IL3: variants seen among roughly 807,000 people sequenced by gnomAD.
IL3 encodes interleukin-3.
Under a neutral mutation model 15.4 loss-of-function variants are expected in IL3, and 15 were observed. The ratio of observed to expected loss-of-function variants is 0.97; its 90% CI spans 0.65 to 1.50. The LOEUF is 1.50. IL3 is among the 40% of genes most tolerant of loss of function. The probability of loss-of-function intolerance (pLI) is 0.00; values close to 1 mark genes in which losing one functional copy is unlikely to be tolerated. For synonymous variants in IL3, 74 were observed against 79.3 expected, an observed-to-expected ratio of 0.93 and a Z score of 0.36; for missense variants, 162 against 192.2, an observed-to-expected ratio of 0.84 and a Z score of 0.93.
intron 2 of IL3, 117 bp from the exon 3 acceptor site, chr5:132,062,195 G>C (rs1027256774): frequency 2.4e-6 from 2 of 841,272 alleles, no homozygotes; most frequent in African/African-American, 3.3e-5. Context: ...GGACTAGGAG[G>C]GAACCCGAGG....
intron 1 of IL3, 45 bp downstream of exon 1, chr5:132,060,913 G>A: frequency 1.2e-6 from 2 of 1,611,770 alleles, no homozygotes; most frequent in South Asian, 1.1e-5. Flanking sequence ...GAGGGGTGGT[G>A]GCTGCCTAAG....
In IL3 at chr5:132,060,958, C is replaced by A; in HGVS notation, c.163-9C>A. On this transcript the variant is annotated splice_polypyrimidine_tract_variant and intron_variant, in intron 1 of 4. Coordinates refer to ENST00000296870, the MANE Select transcript of IL3 (RefSeq NM_000588.4). ...CCTCATGGGCCTTTCTCTCCCTTCACCCCCACAGGACTTCAACAACCTCAA... is the reference window on the plus strand; with the variant it reads ...CCTCATGGGCCTTTCTCTCCCTTCAACCCCACAGGACTTCAACAACCTCAA... 6.2e-7 allele frequency: 1 copy of A among 1,614,078 alleles called. No individual in the cohort carries two copies. Among genetic ancestry groups the A allele is most frequent in the Non-Finnish European group, 8.5e-7 (1 of 1,179,890 alleles).
rs780238354 is a variant in IL3, at chr5:132,060,774, C to T, written c.68C>T (p.Thr23Ile). ...LVRPGLQAPM[T>I]QTTPLKTSWV... ...CGCCCCGGACTCCAAGCTCCCATGA[C>T]CCAGACAACGCCCTTGAAGACAAGC... Residue 23 changes from threonine to isoleucine, a missense_variant, in exon 1 of 5, where the codon ACC becomes ATC. By Grantham distance (89) the Thr-to-Ile change is moderately conservative. Coordinates refer to ENST00000296870, the MANE Select transcript of IL3 (RefSeq NM_000588.4). The T allele has an allele frequency of 6.2e-7, 1 of 1,614,174 alleles. No homozygotes were observed. The highest frequency in any genetic ancestry group is 1.7e-5 in the Admixed American group (1 of 60,034).
rs1019741239 is a variant in IL3 at position 132,062,174 on chromosome 5, A to C, written c.205-138A>C. The C allele has an allele frequency of 5.4e-6, 4 of 740,154 alleles. No homozygotes were observed. In the East Asian group the frequency reaches 9.8e-5, roughly 18 times the overall value. 45.8% of individuals were successfully genotyped at this position (740,154 alleles called of 1,614,324 possible). ...GTGCCCTTGGGCAGGGACCCACCTG[A>C]GGCAAGAACGGGACTAGGAGGGAAC... is the stretch of plus-strand genomic sequence containing the variant. On this transcript the variant is annotated intron_variant, in intron 2 of 4. Coordinates refer to ENST00000296870, the MANE Select transcript of IL3 (RefSeq NM_000588.4).
chr5:132,060,940 G>A, intron 1 of IL3, 27 bp from the exon 2 acceptor site: 1 of 1,613,936 alleles, frequency 6.2e-7, no homozygotes, highest in South Asian at 1.1e-5. Context: ...AGGCCTCATG[G>A]GCCTTTCTCT....
intron 2 of IL3, among the ~76,000 whole-genome samples, chr5:132,061,713 A>T (rs1756481294): frequency 6.6e-6 from 1 of 150,800 alleles, no homozygotes; most frequent in African/African-American, 2.4e-5. Context: ...TTCTTTTTGG[A>T]GATATTTTTT....
chr5:132,062,305 C>T lies in IL3; in HGVS notation c.205-7C>T. 1 of 1,608,738 alleles carries T rather than the reference C, an allele frequency of 6.2e-7. No homozygotes were observed. The highest frequency in any genetic ancestry group is 8.5e-7 in the Non-Finnish European group (1 of 1,175,076). On this transcript the variant is annotated splice_region_variant and splice_polypyrimidine_tract_variant and intron_variant, in intron 2 of 4. Transcript: ENST00000296870. ...TTCCCCCTTAAGTGTATTCTCTGCC[C>T]CGTTAGGAAAATAACCTTCGAAGGC...
rs1178765623 is a variant in IL3, at chr5:132,062,671, A to T, written c.339A>T (p.Arg113=). Residue 113 remains arginine, a splice_region_variant and synonymous_variant, in exon 5 of 5, where the codon CGA becomes CGT. Coordinates refer to ENST00000296870, the MANE Select transcript of IL3 (RefSeq NM_000588.4). ...CCACCTTCTTGGTTTCTTTATAGCG[A>T]CATCCAATCCATATCAAGGACGGTG... The part of the protein sequence containing the change: ...CLPLATAAPT[R]HPIHIKDGDW... 2 of 1,614,128 alleles carry T rather than the reference A, an allele frequency of 1.2e-6. No individual in the cohort carries two copies. The highest frequency in any genetic ancestry group is 8.5e-7 in the Non-Finnish European group (1 of 1,179,996).
Position 132,062,934 on chromosome 5 carries a change from A to G in IL3, c.*143A>G. ...TCACCTTTTCCTGCGGCATCAGATG[A>G]ATTGTTAATTATCTAATTTCTGAAA... On this transcript the variant is annotated 3_prime_UTR_variant, in exon 5 of 5. Transcript: ENST00000296870. 9.0e-7 allele frequency: 1 copy of G among 1,113,446 alleles called. No homozygotes were observed. The allele number at this position is 1,113,446 out of a possible 1,614,324, so 69.0% of individuals were successfully genotyped here. A position where few individuals can be genotyped will look rare whatever the true frequency, so the allele number is the denominator to read the frequency against.
Position 132,060,879 on chromosome 5 carries a change from T to C in IL3, c.162+11T>C. 1 of 1,613,134 alleles carries C rather than the reference T, an allele frequency of 6.2e-7. No homozygotes were observed. Among genetic ancestry groups the C allele is most frequent in the Non-Finnish European group, 8.5e-7 (1 of 1,179,038 alleles). On this transcript the variant is annotated intron_variant, in intron 1 of 4. Coordinates refer to ENST00000296870, the MANE Select transcript of IL3 (RefSeq NM_000588.4). ...CCTTTGCCTTTGCTGGTGAGTAGCT[T>C]GGATAAGACTGGCCTGCAGCAGTGA...
rs1756459365 is a variant in IL3, at chr5:132,060,667, A to C, written c.-40A>C. The C allele has an allele frequency of 1.2e-6, 2 of 1,608,508 alleles. No individual in the cohort carries two copies. The highest frequency in any genetic ancestry group is 1.7e-6 in the Non-Finnish European group (2 of 1,178,020). On this transcript the variant is annotated 5_prime_UTR_variant, in exon 1 of 5. Coordinates refer to ENST00000296870, the MANE Select transcript of IL3 (RefSeq NM_000588.4). ...TTGCCAACTCTTCAGAGCCCCACGAAGGACCAGAACAAGACAGAGTGCCTC... is the reference window on the plus strand; with the variant it reads ...TTGCCAACTCTTCAGAGCCCCACGACGGACCAGAACAAGACAGAGTGCCTC...
chr5:132,060,658 G>A lies in IL3; in HGVS notation c.-49G>A. 1.2e-6 allele frequency: 2 copies of A among 1,605,882 alleles called. No homozygotes were observed. Among genetic ancestry groups the A allele is most frequent in the Middle Eastern group, 4.5e-4 (2 of 4,464 alleles). On this transcript the variant is annotated 5_prime_UTR_variant, in exon 1 of 5. Transcript: ENST00000296870. ...GGGAGGCTGTTGCCAACTCTTCAGA[G>A]CCCCACGAAGGACCAGAACAAGACA... is the stretch of plus-strand genomic sequence containing the variant.
rs760491680 is a variant in IL3 at position 132,060,792 on chromosome 5, A to G, written c.86A>G (p.Lys29Arg). Residue 29 changes from lysine to arginine, a missense_variant, in exon 1 of 5, where the codon AAG becomes AGG. Coordinates refer to ENST00000296870, the MANE Select transcript of IL3 (RefSeq NM_000588.4). ...CCCATGACCCAGACAACGCCCTTGA[A>G]GACAAGCTGGGTTAACTGCTCTAAC... ...QAPMTQTTPL[K>R]TSWVNCSNMI... 7 of 1,614,224 alleles carry G rather than the reference A, an allele frequency of 4.3e-6. No homozygotes were observed. Among genetic ancestry groups the G allele is most frequent in the Admixed American group, 3.3e-5 (2 of 60,034 alleles).
chr5:132,061,536 T>C (rs1756478110), intron 2 of IL3, among the ~76,000 whole-genome samples: 1 of 152,208 alleles, frequency 6.6e-6, no homozygotes, highest in Non-Finnish European at 1.5e-5. Flanking sequence ...GGGCCATCTG[T>C]GTTTGGGGCA....
rs1289367710 is a variant in IL3, at chr5:132,062,513, T to A, written c.295-13T>A. ...GGGAATCTCTGACCATCTGCTTTGG[T>A]CTCTTTCCACAGAATCTCCTGCCAT... is the stretch of plus-strand genomic sequence containing the variant. On this transcript the variant is annotated splice_polypyrimidine_tract_variant and intron_variant, in intron 3 of 4. Coordinates refer to ENST00000296870, the MANE Select transcript of IL3 (RefSeq NM_000588.4). The A allele has an allele frequency of 6.2e-7, 1 of 1,614,132 alleles. No individual in the cohort carries two copies. The highest frequency in any genetic ancestry group is 8.5e-7 in the Non-Finnish European group (1 of 1,180,014).
Position 132,060,998 on chromosome 5 carries a change from A to G in IL3, c.194A>G (p.Asp65Gly). Residue 65 changes from aspartate to glycine, a missense_variant, in exon 2 of 5, where the codon GAC becomes GGC. By Grantham distance (94) the Asp-to-Gly change is moderately conservative (BLOSUM62 -1). Transcript: ENST00000296870. ...AACAACCTCAATGGGGAAGACCAAG[A>G]CATTCTGATGGTAAGAGCTCAGCCC... Reference protein sequence around the residue: ...DFNNLNGEDQDILMENNLRRP... With the variant: ...DFNNLNGEDQGILMENNLRRP... 3.7e-6 allele frequency: 6 copies of G among 1,614,170 alleles called. No homozygotes were observed. The highest frequency in any genetic ancestry group is 5.1e-6 in the Non-Finnish European group (6 of 1,180,010).
Position 132,062,804 on chromosome 5 carries a change from G to A in IL3, c.*13G>A. On this transcript the variant is annotated 3_prime_UTR_variant, in exon 5 of 5. Coordinates refer to ENST00000296870, the MANE Select transcript of IL3 (RefSeq NM_000588.4). Reference sequence around the variant, plus strand: ...CGCGATCTTTTGAGTCCAACGTCCAGCTCGTTCTCTGGGCCTTCTCACCAC... The same window carrying A: ...CGCGATCTTTTGAGTCCAACGTCCAACTCGTTCTCTGGGCCTTCTCACCAC... The A allele has an allele frequency of 6.2e-7, 1 of 1,609,778 alleles. No individual in the cohort carries two copies. Among genetic ancestry groups the A allele is most frequent in the Non-Finnish European group, 8.5e-7 (1 of 1,176,788 alleles).
At chr5:132,061,358 G>C (rs1361630733) in intron 2 of IL3, among the ~76,000 whole-genome samples, 1 of 152,188 alleles carries the variant, frequency 6.6e-6, no homozygotes, top group Non-Finnish European at 1.5e-5. Context: ...AGATGTGCCA[G>C]CTTCTTTTTC....
intron 1 of IL3, 47 bp from the exon 2 acceptor site, chr5:132,060,917 GCCT>G (rs1756464843): frequency 6.2e-7 from 1 of 1,612,170 alleles, no homozygotes; most frequent in African/African-American, 1.3e-5. Context: ...GGTGGTGGCT[GCCT>G]AAGGCCAAAA....
Sources: allele counts gnomAD v4.1 joint callset (sites outside exome capture counted in the v4.1 genomes callset), GRCh38; gene constraint gnomAD v4.1.1; transcripts MANE v1.5; gene names NCBI Gene and HGNC (gene_info 2026-07-23, HGNC 2026-07-21).